Variants in VSIG1 observed in about 807,000 individuals in gnomAD.
VSIG1 encodes V-set and immunoglobulin domain-containing protein 1.
Under a neutral mutation model 20.1 loss-of-function variants are expected in VSIG1, and 11 were observed. The ratio of observed to expected loss-of-function variants is 0.55; its 90% CI spans 0.34 to 0.91. The LOEUF (loss-of-function observed/expected upper bound fraction) is 0.91, where lower values mean the gene tolerates loss of function less well. Ranked by LOEUF, VSIG1 falls within the 40% of genes least tolerant of loss-of-function variation. The pLI, the probability that VSIG1 is intolerant of heterozygous loss-of-function variation, is 0.02. For synonymous variants in VSIG1, 126 were observed against 116.7 expected (o/e 1.08, Z -0.52); for missense variants, 283 against 298.8 (o/e 0.95, Z 0.39).
At chrX:108,051,842 G>A (rs1359147939) in intron 1 of VSIG1, among the ~76,000 whole-genome samples, 3 of 112,071 alleles carry the variant, frequency 2.7e-5, no homozygotes, top group African/African-American at 6.5e-5. Context: ...GCTACAGCAT[G>A]AATGAACCTG....
At chrX:108,070,321 C>T (rs2031213573) in intron 3 of VSIG1, among the ~76,000 whole-genome samples, 1 of 111,697 alleles carries the variant, frequency 9.0e-6, no homozygotes, top group Non-Finnish European at 1.9e-5. Flanking sequence ...CAGTAAAATA[C>T]CCAAGTTCCA....
chrX:108,024,933 G>A, the VSIG1 span, among the ~76,000 whole-genome samples: 1 of 111,447 alleles, frequency 9.0e-6, no homozygotes, highest in Non-Finnish European at 1.9e-5. Context: ...CTATTGTTGG[G>A]TGGATTGCTT....
intron 4 of VSIG1, 133 bp downstream of exon 4, chrX:108,072,965 C>G: frequency 1.4e-6 from 1 of 693,577 alleles, no homozygotes; most frequent in South Asian, 3.0e-5. Flanking sequence ...TGGAGGGGGG[C>G]GGCTGGTAAT....
chrX:108,059,121 G>A (rs767544466), intron 2 of VSIG1, among the ~76,000 whole-genome samples: 28 of 111,890 alleles, frequency 2.5e-4, no homozygotes, highest in African/African-American at 6.2e-4. Flanking sequence ...GAGACAAGTC[G>A]GTGTGGTTTG....
intron 3 of VSIG1, among the ~76,000 whole-genome samples, chrX:108,071,981 GTATT>G (rs1330609308): frequency 9.2e-6 from 1 of 108,849 alleles, no homozygotes; most frequent in African/African-American, 3.4e-5. Flanking sequence ...TTATCTCAGA[GTATT>G]TAAGGATTCT....
intron 1 of VSIG1, among the ~76,000 whole-genome samples, chrX:108,047,919 CACATATATATATAT>C (rs1569287288): frequency 7.0e-4 from 24 of 34,269 alleles, no homozygotes; most frequent in African/African-American, 3.0e-3. Flanking sequence ...TATATATATA[CACATATATATATAT>C]ACACATATAT....
chrX:108,052,717 A>G (rs2030811570), intron 1 of VSIG1, among the ~76,000 whole-genome samples: 1 of 112,261 alleles, frequency 8.9e-6, no homozygotes. Flanking sequence ...GTGTATGCAT[A>G]TATTAAAATA....
At chrX:108,047,921 CAT>C (rs1216515432) in intron 1 of VSIG1, among the ~76,000 whole-genome samples, 22 of 60,853 alleles carry the variant, frequency 3.6e-4, no homozygotes, top group African/African-American at 1.8e-3. Context: ...TATATATACA[CAT>C]ATATATATAT....
chrX:108,022,316 AT>A, the VSIG1 span, among the ~76,000 whole-genome samples: 1 of 112,041 alleles, frequency 8.9e-6, no homozygotes, highest in East Asian at 2.8e-4. Context: ...GCTACCGTAA[AT>A]GAAATTATTT....
At position 108,058,177 on chromosome X, in the gene VSIG1, T is replaced by C; in HGVS notation, c.189T>C (p.His63=). 8.3e-7 allele frequency: 1 copy of C among 1,208,904 alleles called. No individual in the cohort carries two copies. Among genetic ancestry groups the C allele is most frequent in the South Asian group, 1.8e-5 (1 of 56,247 alleles). The change falls in exon 2 of 7, where the codon CAT becomes CAC. Residue 63 remains histidine (H), a synonymous_variant. Coordinates refer to ENST00000217957, the MANE Select transcript of VSIG1 (RefSeq NM_182607.5). ...TTTCCATCCAGTGGTCTTTCTTCCA[T>C]AAGAAGGAGATGGAGCCAATTTCTG... is the stretch of plus-strand genomic sequence containing the variant. ...EQLSIQWSFF[H]KKEMEPISIY... is the part of the protein sequence containing the mutation.
chrX:108,064,048 A>G (rs1264135590), intron 2 of VSIG1, among the ~76,000 whole-genome samples: 1 of 112,609 alleles, frequency 8.9e-6, no homozygotes, highest in Non-Finnish European at 1.9e-5. Context: ...GATTTTTAAA[A>G]GAGTTATTCT....
At chrX:108,075,289 G>A (rs1053643866) in intron 5 of VSIG1, among the ~76,000 whole-genome samples, 1 of 112,108 alleles carries the variant, frequency 8.9e-6, no homozygotes, top group Non-Finnish European at 1.9e-5. Flanking sequence ...TTTAAAAAGA[G>A]TTAAGAGTGG....
At chrX:108,053,649 A>G (rs2030833500) in intron 1 of VSIG1, among the ~76,000 whole-genome samples, 1 of 111,703 alleles carries the variant, frequency 9.0e-6, no homozygotes, top group South Asian at 3.7e-4. Context: ...TACATTAAAT[A>G]ATTATATTGA....
chrX:108,035,807 T>C, the VSIG1 span, among the ~76,000 whole-genome samples: 1 of 109,523 alleles, frequency 9.1e-6, no homozygotes, highest in Non-Finnish European at 1.9e-5. Context: ...GGGTTGACTA[T>C]GTATTCTGTT....
the VSIG1 span, among the ~76,000 whole-genome samples, chrX:108,026,408 A>T: frequency 9.0e-6 from 1 of 110,894 alleles, no homozygotes; most frequent in Admixed American, 9.7e-5. Flanking sequence ...ATGAGATTTG[A>T]CGTTAATTAC....
At chrX:108,071,744 G>A (rs755253204) in intron 3 of VSIG1, among the ~76,000 whole-genome samples, 11 of 110,333 alleles carry the variant, frequency 1.0e-4, no homozygotes, top group African/African-American at 3.6e-4. Flanking sequence ...CAGGCCCACA[G>A]AAGGCATGGG....
intron 1 of VSIG1, among the ~76,000 whole-genome samples, chrX:108,055,684 A>G (rs945521770): frequency 3.0e-5 from 3 of 99,997 alleles, no homozygotes; most frequent in Non-Finnish European, 4.2e-5. Flanking sequence ...GTAATCCACC[A>G]TATCAACAGG....
At chrX:108,026,590 C>A in the VSIG1 span, among the ~76,000 whole-genome samples, 1 of 111,326 alleles carries the variant, frequency 9.0e-6, no homozygotes, top group South Asian at 3.8e-4. Context: ...CCCTTTTATT[C>A]TTTGCTAGCT....
the VSIG1 span, among the ~76,000 whole-genome samples, chrX:108,019,092 A>T: frequency 2.7e-5 from 3 of 112,069 alleles, no homozygotes; most frequent in South Asian, 1.1e-3. Flanking sequence ...AGCAGGGGCA[A>T]TGTCGGTACC....
Sources: gnomAD v4.1 joint callset for allele counts (sites outside exome capture counted in the v4.1 genomes callset) on GRCh38, gnomAD v4.1.1 for gene constraint, MANE v1.5 for transcripts, NCBI Gene and HGNC (gene_info 2026-07-23, HGNC 2026-07-21) for gene names.